JMJD1C: variants seen among roughly 807,000 people sequenced by gnomAD.
JMJD1C encodes jumonji domain-containing protein 1C.
Under a neutral mutation model 245.3 loss-of-function variants are expected in JMJD1C, and 31 were observed. The observed-to-expected ratio is 0.13, with a 90% CI of 0.09 to 0.17. The LOEUF is 0.17. Ranked by LOEUF, JMJD1C falls within the 10% of genes least tolerant of loss-of-function variation. The pLI is 1.00. For missense variants in JMJD1C, 2,691 were observed against 3,000.2 expected, an observed-to-expected ratio of 0.90 and a Z score of 2.41; for synonymous variants, 1,057 against 1,017.4, an observed-to-expected ratio of 1.04 and a Z score of -0.74.
At chr10:63,345,506 C>CA (rs1273318394) in intron 2 of JMJD1C, among the ~76,000 whole-genome samples, 3 of 129,558 alleles carry the variant, frequency 2.3e-5, no homozygotes, top group Admixed American at 7.7e-5. Flanking sequence ...AAAAAAAAAA[C>CA]AAAAAAAAGG....
intron 1 of JMJD1C, among the ~76,000 whole-genome samples, chr10:63,399,196 T>C (rs1008270935): frequency 3.3e-5 from 5 of 152,206 alleles, no homozygotes; most frequent in African/African-American, 1.2e-4. Context: ...CCATCCTTGG[T>C]CAGTGAGACA....
intron 2 of JMJD1C, among the ~76,000 whole-genome samples, chr10:63,331,830 G>T (rs1379177578): frequency 4.6e-5 from 7 of 152,060 alleles, no homozygotes; most frequent in Admixed American, 1.3e-4. Context: ...ATACTGGCCG[G>T]CCTGGTTTCA....
intron 3 of JMJD1C, among the ~76,000 whole-genome samples, chr10:63,223,926 G>C (rs746499940): frequency 6.6e-6 from 1 of 151,848 alleles, no homozygotes; most frequent in Non-Finnish European, 1.5e-5. Flanking sequence ...GCTAATTTTT[G>C]TATTTTTAGT....
At chr10:63,202,837 C>T (rs1017743324) in intron 10 of JMJD1C, 127 of 981,582 alleles carry the variant, frequency 1.3e-4, no homozygotes, top group Non-Finnish European at 1.4e-4. Context: ...AATTGTTATA[C>T]TGCTGATAAA....
chr10:63,211,162 A>G (rs1347455651), intron 8 of JMJD1C, among the ~76,000 whole-genome samples: 1 of 152,184 alleles, frequency 6.6e-6, no homozygotes, highest in Non-Finnish European at 1.5e-5. Context: ...GCCTCTTATC[A>G]TCAAAGTTCA....
chr10:63,214,443 G>A lies in JMJD1C; in HGVS notation c.1724C>T (p.Thr575Ile), dbSNP rs1847728998. ...AGAAGCATTTGTAACACTTGATTGG[G>A]TTAGATCCACTTTAACTACATCACT... ...WVSDVVKVDL[T>I]QSSVTNASSG... The change falls in exon 8 of 26, where the codon ACC (threonine) becomes ATC (isoleucine). Residue 575 changes from threonine (T) to isoleucine (I), a missense_variant. This residue lies in a region of JMJD1C where 1,562 missense variants were observed against 1,490.7 expected (regional missense o/e 1.05). Transcript: ENST00000399262. 1.2e-6 allele frequency: 2 copies of A among 1,613,790 alleles called. No homozygotes were observed. Among genetic ancestry groups the A allele is most frequent in the Non-Finnish European group, 1.7e-6 (2 of 1,179,928 alleles).
chr10:63,338,910 A>G (rs1272942525), intron 2 of JMJD1C, among the ~76,000 whole-genome samples: 1 of 152,008 alleles, frequency 6.6e-6, no homozygotes, highest in African/African-American at 2.4e-5. Context: ...CAGCCTCCCA[A>G]AGTGCTGGGA....
chr10:63,454,274 T>C (rs911232675), intron 1 of JMJD1C, among the ~76,000 whole-genome samples: 2 of 139,482 alleles, frequency 1.4e-5, no homozygotes, highest in Admixed American at 1.4e-4. Context: ...TTTTTTTTCT[T>C]TTTCAGACTG....
At chr10:63,272,851 A>G (rs1317085776) in intron 2 of JMJD1C, among the ~76,000 whole-genome samples, 1 of 152,346 alleles carries the variant, frequency 6.6e-6, no homozygotes, top group East Asian at 1.9e-4. Flanking sequence ...TCTACACTAT[A>G]TGATATAGAC....
intron 24 of JMJD1C, among the ~76,000 whole-genome samples, chr10:63,170,950 G>GA (rs1842292944): frequency 6.6e-6 from 1 of 152,128 alleles, no homozygotes; most frequent in Non-Finnish European, 1.5e-5. Flanking sequence ...GTAATGTTAA[G>GA]AAAATATAAT....
At chr10:63,423,889 C>G (rs1258842881) in intron 1 of JMJD1C, among the ~76,000 whole-genome samples, 1 of 152,130 alleles carries the variant, frequency 6.6e-6, no homozygotes, top group Admixed American at 6.5e-5. Context: ...TTTACATTTG[C>G]GTAAAGATAC....
intron 3 of JMJD1C, among the ~76,000 whole-genome samples, chr10:63,229,583 T>G (rs1849722138): frequency 6.6e-6 from 1 of 152,182 alleles, no homozygotes; most frequent in Non-Finnish European, 1.5e-5. Flanking sequence ...CAAATTTAGT[T>G]TCTGAATAGA....
chr10:63,311,272 G>T (rs756785051), intron 2 of JMJD1C, among the ~76,000 whole-genome samples: 2 of 151,416 alleles, frequency 1.3e-5, no homozygotes, highest in Non-Finnish European at 2.9e-5. Context: ...CCAGCTACTC[G>T]GGAGACTGAG....
intron 3 of JMJD1C, among the ~76,000 whole-genome samples, chr10:63,260,132 A>T (rs1341636393): frequency 6.6e-6 from 1 of 152,220 alleles, no homozygotes; most frequent in Non-Finnish European, 1.5e-5. Flanking sequence ...ATGAATTTTA[A>T]TATACTGTAA....
chr10:63,445,402 G>A (rs575428755), intron 1 of JMJD1C, among the ~76,000 whole-genome samples: 1 of 152,262 alleles, frequency 6.6e-6, no homozygotes, highest in Non-Finnish European at 1.5e-5. Context: ...AAGAAGTGAT[G>A]GAGTCATGTG....
chr10:63,411,100 A>G (rs1013842352), intron 1 of JMJD1C, among the ~76,000 whole-genome samples: 5 of 152,160 alleles, frequency 3.3e-5, no homozygotes, highest in African/African-American at 4.8e-5. Flanking sequence ...AGTTTCACAG[A>G]TATTATACTG....
intron 3 of JMJD1C, among the ~76,000 whole-genome samples, chr10:63,245,499 T>TTTTTTTTTG (rs1852089754): frequency 1.4e-5 from 2 of 146,392 alleles, no homozygotes; most frequent in South Asian, 2.2e-4. Flanking sequence ...TTTTTTTTTT[T>TTTTTTTTTG]GAGATGAAGT....
intron 2 of JMJD1C, among the ~76,000 whole-genome samples, chr10:63,332,645 G>A (rs4133250): frequency 0.86 from 130,859 of 152,234 alleles, 56,942 homozygotes; most frequent in African/African-American, 0.96. Context: ...TATCTTACAT[G>A]TTACTTAAAT....
chr10:63,226,227 A>G (rs1479740798), intron 3 of JMJD1C, among the ~76,000 whole-genome samples: 1 of 152,164 alleles, frequency 6.6e-6, no homozygotes, highest in Non-Finnish European at 1.5e-5. Flanking sequence ...ATACTCATCA[A>G]AGAGAGGAGA....
Sources: gnomAD v4.1 joint callset for allele counts (sites outside exome capture counted in the v4.1 genomes callset) on GRCh38, gnomAD v4.1.1 for gene constraint, gnomAD v4.1.1 regional missense constraint, MANE v1.5 for transcripts, NCBI Gene and HGNC (gene_info 2026-07-23, HGNC 2026-07-21) for gene names.